The following RAI2 variants were observed in gnomAD, a reference collection of about 807,000 sequenced individuals.
The protein encoded by RAI2 is retinoic acid-induced protein 2.
A neutral mutation model predicts 15.3 loss-of-function variants in RAI2; 5 were observed. The observed-to-expected ratio is 0.33, with a 90% CI of 0.17 to 0.69. The LOEUF is 0.69. RAI2 is among the 30% of genes least tolerant of loss of function. The pLI, the probability that RAI2 is intolerant of heterozygous loss-of-function variation, is 0.69. For missense variants in RAI2, 424 were observed against 424.7 expected, an observed-to-expected ratio of 1.00 and a Z score of 0.01; for synonymous variants, 191 against 184.0, an observed-to-expected ratio of 1.04 and a Z score of -0.31.
chrX:17,853,118 A>C (rs904472151), intron 1 of RAI2, among the ~76,000 whole-genome samples: 1 of 111,380 alleles, frequency 9.0e-6, no homozygotes, highest in African/African-American at 3.3e-5. Context: ...CATATGAAAA[A>C]GAAATTAGGG....
rs926826097 is a variant in RAI2 at position 17,801,832 on chromosome X, T to A, written c.179A>T (p.Asn60Ile). The A allele has an allele frequency of 8.3e-7, 1 of 1,209,543 alleles. No individual in the cohort carries two copies. Among genetic ancestry groups the A allele is most frequent in the Non-Finnish European group, 1.1e-6 (1 of 894,846 alleles). The change falls in exon 2 of 2, where the codon AAC becomes ATC. Residue 60 changes from asparagine (N) to isoleucine (I), a missense_variant. Physicochemically the swap from Asn to Ile is moderately radical, Grantham distance 149. Transcript: ENST00000451717. ...GCCACTCTGAGACTCGGCAGGGGGG[T>A]TCAGAATGGATGGGGCTGGCACGGT... ...LVTVPAPSIL[N>I]PPAESQSGMA...
intron 1 of RAI2, among the ~76,000 whole-genome samples, chrX:17,850,710 G>GA (rs1253948286): frequency 8.9e-6 from 1 of 111,946 alleles, no homozygotes; most frequent in African/African-American, 3.2e-5. Flanking sequence ...TCAGACTTTT[G>GA]AATGTTATGG....
In RAI2 at chrX:17,801,354, G is replaced by A. The variant is rs1413336552; in HGVS notation, c.657C>T (p.Ser219=). The part of the protein sequence containing the change: ...YAPVPPQPFS[S]PLSPLVPPAT... ...CTGGTGGGACCAGGGGGGACAAGGG[G>A]GAGCTAAAAGGCTGTGGGGGCACAG... Residue 219 remains serine, a synonymous_variant, in exon 2 of 2, where the codon TCC becomes TCT. Transcript: ENST00000451717. The A allele has an allele frequency of 8.7e-7, 1 of 1,155,363 alleles. No homozygotes were observed.
At chrX:17,820,936 G>C (rs2067158159) in intron 1 of RAI2, among the ~76,000 whole-genome samples, 1 of 109,794 alleles carries the variant, frequency 9.1e-6, no homozygotes, top group South Asian at 3.9e-4. Context: ...GTCTGACTCT[G>C]TCACCCAGGC....
intron 1 of RAI2, among the ~76,000 whole-genome samples, chrX:17,840,323 T>C (rs1314316220): frequency 9.0e-6 from 1 of 111,134 alleles, no homozygotes; most frequent in Non-Finnish European, 1.9e-5. Flanking sequence ...ACAAGCCTCA[T>C]TGAGAGCCTA....
At chrX:17,804,388 T>A (rs2066955283) in intron 1 of RAI2, among the ~76,000 whole-genome samples, 1 of 112,303 alleles carries the variant, frequency 8.9e-6, no homozygotes, top group African/African-American at 3.2e-5. Flanking sequence ...TGATCAGAGA[T>A]CTGCTAGCAT....
intron 1 of RAI2, among the ~76,000 whole-genome samples, chrX:17,858,418 C>T (rs937302477): frequency 8.9e-6 from 1 of 112,466 alleles, no homozygotes; most frequent in Non-Finnish European, 1.9e-5. Flanking sequence ...CTACCATCCT[C>T]TCCAAAATTC....
At chrX:17,835,980 C>A (rs1006367051) in intron 1 of RAI2, among the ~76,000 whole-genome samples, 1 of 112,111 alleles carries the variant, frequency 8.9e-6, no homozygotes, top group African/African-American at 3.2e-5. Context: ...GGCACAGATA[C>A]AATTTTTGTC....
At chrX:17,825,167 A>T (rs778749854) in intron 1 of RAI2, among the ~76,000 whole-genome samples, 17 of 112,987 alleles carry the variant, frequency 1.5e-4, no homozygotes, top group African/African-American at 5.1e-4. Flanking sequence ...GGGGGAAAAA[A>T]ATCAAAGGAA....
intron 1 of RAI2, among the ~76,000 whole-genome samples, chrX:17,806,777 C>CT (rs2066986059): frequency 9.0e-6 from 1 of 111,239 alleles, no homozygotes; most frequent in South Asian, 3.9e-4. Flanking sequence ...GCCATACAGG[C>CT]TTCTGCTTCT....
intron 1 of RAI2, among the ~76,000 whole-genome samples, chrX:17,815,415 G>A (rs752043745): frequency 9.0e-6 from 1 of 110,657 alleles, no homozygotes; most frequent in African/African-American, 3.3e-5. Context: ...TAGTCAAGGG[G>A]GATCCTTAAA....
Position 17,800,555 on chromosome X carries a change from C to T in RAI2, c.1456G>A (p.Glu486Lys), listed in dbSNP as rs749967533. Residue 486 changes from glutamate (E) to lysine (K), a missense_variant, in exon 2 of 2, where the codon GAG becomes AAG. Glu to Lys is a moderately conservative substitution (Grantham distance 56). Transcript: ENST00000451717. ...AGGGGCTCTGCATTTCCCATGGACT[C>T]TTCCCCTTGGCTGTTGATGTCATAG... ...QGYDINSQGE[E>K]SMGNAEPLRK... The T allele has an allele frequency of 3.3e-6, 4 of 1,211,161 alleles. No individual in the cohort carries two copies. In the South Asian group the frequency reaches 7.0e-5, roughly 21 times the overall value.
intron 1 of RAI2, among the ~76,000 whole-genome samples, chrX:17,835,525 G>T (rs2067325047): frequency 9.0e-6 from 1 of 111,703 alleles, no homozygotes; most frequent in African/African-American, 3.3e-5. Context: ...CCTCCACACA[G>T]ATCAACCAAG....
chrX:17,835,717 CCTTT>C (rs2067327187), intron 1 of RAI2, among the ~76,000 whole-genome samples: 2 of 111,787 alleles, frequency 1.8e-5, no homozygotes, highest in Admixed American at 1.9e-4. Context: ...TCCTCTGTTC[CCTTT>C]CTTATGTGGA....
chrX:17,847,011 C>T (rs2067470032), intron 1 of RAI2, among the ~76,000 whole-genome samples: 2 of 111,830 alleles, frequency 1.8e-5, no homozygotes, highest in Non-Finnish European at 3.8e-5. Flanking sequence ...TCTTGCCTGC[C>T]ACCATGTAAG....
intron 1 of RAI2, among the ~76,000 whole-genome samples, chrX:17,810,625 C>T (rs1462519504): frequency 1.8e-5 from 2 of 111,810 alleles, no homozygotes; most frequent in Admixed American, 9.5e-5. Flanking sequence ...CAGGAGCTGC[C>T]GGAGGAGGAA....
chrX:17,858,758 G>A (rs1265577120), intron 1 of RAI2, among the ~76,000 whole-genome samples: 1 of 112,445 alleles, frequency 8.9e-6, no homozygotes, highest in Non-Finnish European at 1.9e-5. Flanking sequence ...CCCAGCGATC[G>A]GCATCGCTTG....
chrX:17,808,651 G>T (rs1485814427), intron 1 of RAI2, among the ~76,000 whole-genome samples: 1 of 108,981 alleles, frequency 9.2e-6, no homozygotes, highest in East Asian at 2.9e-4. Context: ...CCCCCGCAGT[G>T]TCTCCCCATG....
Position 17,801,299 on chromosome X carries a change from C to T in RAI2, c.712G>A (p.Val238Ile), listed in dbSNP as rs1208705303. The T allele has an allele frequency of 1.2e-5, 14 of 1,176,611 alleles. No individual in the cohort carries two copies. Among genetic ancestry groups the T allele is most frequent in the Admixed American group, 4.7e-5 (2 of 42,598 alleles). ...ATAGGGACTGGCACAGGCAAGGGGA[C>T]GATTACAGGATACGGCACCAAGAGG... The part of the protein sequence containing the change: ...ATLLVPYPVI[V>I]PLPVPVPIPI... Residue 238 changes from valine (V) to isoleucine (I), a missense_variant, in exon 2 of 2, where the codon GTC becomes ATC. Val to Ile is a conservative substitution (Grantham distance 29). Coordinates refer to ENST00000451717, the MANE Select transcript of RAI2 (RefSeq NM_021785.6).
Sources: allele counts gnomAD v4.1 joint callset (sites outside exome capture counted in the v4.1 genomes callset), GRCh38; gene constraint gnomAD v4.1.1; transcripts MANE v1.5; gene names NCBI Gene and HGNC (gene_info 2026-07-23, HGNC 2026-07-21).